The following CDA variants were observed in gnomAD, a reference collection of about 807,000 sequenced individuals.
CDA encodes the protein cytidine aminohydrolase.
Under a neutral mutation model 15.0 loss-of-function variants are expected in CDA, and 7 were observed. The ratio of observed to expected loss-of-function variants is 0.47; its 90% confidence interval spans 0.26 to 0.87. CDA has a LOEUF of 0.87. Ranked by LOEUF, CDA falls within the 40% of genes least tolerant of loss-of-function variation. The pLI is 0.15. For synonymous variants in CDA, 58 were observed against 73.0 expected (o/e 0.79, Z 1.05); for missense variants, 159 against 182.7 (o/e 0.87, Z 0.75).
chr1:20,613,473 G>C (rs2154532844), intron 2 of CDA, among the ~76,000 whole-genome samples: 1 of 152,326 alleles, frequency 6.6e-6, no homozygotes, highest in East Asian at 1.9e-4. Flanking sequence ...CCAAAGTGCT[G>C]GGATTACAGG....
chr1:20,615,142 G>A lies in CDA; in HGVS notation c.324+1243G>A, dbSNP rs190605972. 8.4e-4 allele frequency among the ~76,000 whole-genome samples: 128 copies of A among 152,156 alleles called. 1 individual carries two copies. Among genetic ancestry groups the A allele is most frequent in the African/African-American group, 2.7e-3 (112 of 41,534 alleles). ...CCCAAAGTGCTGGGATTACAGGCGT[G>A]AGCCACCGCGCCCAGCCTGGAGTGT... On this transcript the variant is annotated intron_variant, in intron 3 of 3. Transcript: ENST00000375071.
chr1:20,601,203 T>G (rs1324737616), intron 1 of CDA, among the ~76,000 whole-genome samples: 2 of 152,164 alleles, frequency 1.3e-5, no homozygotes, highest in Non-Finnish European at 2.9e-5. Flanking sequence ...TTTCAGCCTC[T>G]CTCATTGGTC....
intron 1 of CDA, among the ~76,000 whole-genome samples, chr1:20,591,169 C>G (rs2052545669): frequency 6.6e-6 from 1 of 152,068 alleles, no homozygotes; most frequent in Admixed American, 6.5e-5. Context: ...GAAACTCCAT[C>G]TCTACTAAAA....
At chr1:20,612,980 C>G (rs2052767516) in intron 2 of CDA, among the ~76,000 whole-genome samples, 1 of 148,128 alleles carries the variant, frequency 6.8e-6, no homozygotes, top group Non-Finnish European at 1.5e-5. Context: ...GGTGGACTCT[C>G]TTTACACAGA....
chr1:20,594,284 A>G (rs1322822055), intron 1 of CDA, among the ~76,000 whole-genome samples: 9 of 152,162 alleles, frequency 5.9e-5, no homozygotes, highest in Non-Finnish European at 1.3e-4. Flanking sequence ...CCCCTCACAG[A>G]TGGGCCACCC....
intron 3 of CDA, among the ~76,000 whole-genome samples, chr1:20,616,605 C>A (rs546053107): frequency 1.3e-5 from 2 of 152,280 alleles, no homozygotes; most frequent in African/African-American, 4.8e-5. Context: ...CCCAAGGCCC[C>A]GACGTGGTCC....
In CDA at chr1:20,589,245, G is replaced by T. The variant is rs202011087; in HGVS notation, c.116G>T (p.Gly39Val). The T allele has an allele frequency of 5.6e-6, 9 of 1,613,890 alleles. No individual in the cohort carries two copies. Among genetic ancestry groups the T allele is most frequent in the Non-Finnish European group, 7.6e-6 (9 of 1,179,836 alleles). The change falls in exon 1 of 4, where the codon GGG (glycine) becomes GTG (valine). Residue 39 changes from glycine to valine, a missense_variant. By Grantham distance (109) the Gly-to-Val change is moderately radical. Coordinates refer to ENST00000375071, the MANE Select transcript of CDA (RefSeq NM_001785.3). ...TGCCCCTACAGTCACTTTCCTGTGG[G>T]GGCTGCCCTGCTCACCCAGGAGGGG... ...AYCPYSHFPV[G>V]AALLTQEGRI...
chr1:20,603,365 G>A (rs959563376), intron 1 of CDA, among the ~76,000 whole-genome samples: 2 of 152,150 alleles, frequency 1.3e-5, no homozygotes, highest in African/African-American at 4.8e-5. Context: ...CCCATGAGTT[G>A]ACCAGGTTTC....
chr1:20,608,394 G>GTTTTGTT (rs2154532561), intron 2 of CDA, among the ~76,000 whole-genome samples: 1 of 60,992 alleles, frequency 1.6e-5, no homozygotes, highest in African/African-American at 6.9e-5. Flanking sequence ...CTATTATATA[G>GTTTTGTT]TTTTGTTTTG....
chr1:20,612,320 T>G (rs2154532805), intron 2 of CDA, among the ~76,000 whole-genome samples: 1 of 152,298 alleles, frequency 6.6e-6, no homozygotes, highest in Middle Eastern at 3.4e-3. Context: ...CTAAGCGGTC[T>G]TAACCCCTGT....
intron 1 of CDA, among the ~76,000 whole-genome samples, 170 bp downstream of exon 1, chr1:20,589,453 C>T (rs1007813155): frequency 6.6e-6 from 1 of 152,172 alleles, no homozygotes; most frequent in Non-Finnish European, 1.5e-5. Context: ...CCCCAGACCG[C>T]GCTCAAATGT....
intron 1 of CDA, among the ~76,000 whole-genome samples, chr1:20,602,632 G>A (rs978864420): frequency 6.6e-5 from 10 of 152,080 alleles, no homozygotes; most frequent in Non-Finnish European, 1.2e-4. Flanking sequence ...ATATTGGCCA[G>A]GCTGATCTCA....
Position 20,614,914 on chromosome 1 carries a change from T to G in CDA, c.324+1015T>G, listed in dbSNP as rs1287953043. On this transcript the variant is annotated intron_variant, in intron 3 of 3. Transcript: ENST00000375071. ...TCTCACTCTGTCACCCAGGCTGGAGTGCAGTGGTAGAGTCTCAGCTCACTG... is the reference window on the plus strand; with the variant it reads ...TCTCACTCTGTCACCCAGGCTGGAGGGCAGTGGTAGAGTCTCAGCTCACTG... Among the ~76,000 whole-genome samples the G allele has an allele frequency of 2.0e-5, 3 of 151,824 alleles. No individual in the cohort carries two copies. The East Asian group carries it at 5.8e-4, about 29-fold the overall frequency.
chr1:20,605,076 A>G (rs766030817), intron 2 of CDA, 37 bp downstream of exon 2: 3 of 1,193,630 alleles, frequency 2.5e-6, no homozygotes, highest in South Asian at 2.5e-5. Context: ...ATATTCATTC[A>G]TCTCTTTAGC....
chr1:20,590,358 T>C (rs146640049), intron 1 of CDA, among the ~76,000 whole-genome samples: 2 of 152,190 alleles, frequency 1.3e-5, no homozygotes, highest in African/African-American at 4.8e-5. Context: ...TGTTGCTCTG[T>C]GGGGAGTGAA....
At position 20,602,290 on chromosome 1, in the gene CDA, A is replaced by T. The variant is rs571392980; in HGVS notation, c.155-2638A>T. 2.6e-5 allele frequency among the ~76,000 whole-genome samples: 4 copies of T among 151,922 alleles called. No homozygotes were observed. The East Asian group carries it at 7.7e-4, about 29-fold the overall frequency. ...CGGGCTGGAGTCCACAGCATAGGAGATGTGTTTCTCTGTCCTGCAAAGTTG... is the reference window on the plus strand; with the variant it reads ...CGGGCTGGAGTCCACAGCATAGGAGTTGTGTTTCTCTGTCCTGCAAAGTTG... On this transcript the variant is annotated intron_variant, in intron 1 of 3. Transcript: ENST00000375071.
At position 20,606,523 on chromosome 1, in the gene CDA, G is replaced by A. The variant is rs184072109; in HGVS notation, c.266+1484G>A. Among the ~76,000 whole-genome samples the A allele has an allele frequency of 7.9e-5, 12 of 152,178 alleles. No homozygotes were observed. In the East Asian group the frequency reaches 2.3e-3, roughly 29 times the overall value. ...AGGGCTCATTCCACTACATCATGCT[G>A]TGCCAGGAGATGGAACACTTTTCCC... On this transcript the variant is annotated intron_variant, in intron 2 of 3. Transcript: ENST00000375071.
intron 1 of CDA, among the ~76,000 whole-genome samples, chr1:20,603,816 C>T (rs1372701258): frequency 6.6e-6 from 1 of 152,218 alleles, no homozygotes; most frequent in Non-Finnish European, 1.5e-5. Flanking sequence ...AGACTCACTT[C>T]CCTGAATATG....
intron 1 of CDA, among the ~76,000 whole-genome samples, chr1:20,594,721 G>A (rs1330958620): frequency 6.7e-6 from 1 of 150,050 alleles, no homozygotes; most frequent in Non-Finnish European, 1.5e-5. Context: ...CCTGGGAGGT[G>A]GAGGTTGCAG....
Sources: allele counts gnomAD v4.1 joint callset (sites outside exome capture counted in the v4.1 genomes callset), GRCh38; gene constraint gnomAD v4.1.1; transcripts MANE v1.5; gene names NCBI Gene and HGNC (gene_info 2026-07-23, HGNC 2026-07-21).